The following RASA1 variants were observed in gnomAD, a reference collection of about 807,000 sequenced individuals.
The protein encoded by RASA1 is ras GTPase-activating protein 1.
Under a neutral mutation model 132.2 loss-of-function variants are expected in RASA1, and 25 were observed. The observed-to-expected ratio is 0.19, with a 90% confidence interval of 0.14 to 0.26. RASA1 has a LOEUF of 0.26. RASA1 is among the 10% of genes least tolerant of loss of function. The pLI, the probability that RASA1 is intolerant of heterozygous loss-of-function variation, is 1.00. For synonymous variants in RASA1, 477 were observed against 449.9 expected (o/e 1.06, Z -0.76); for missense variants, 964 against 1,299.2 (o/e 0.74, Z 3.97).
intron 12 of RASA1, 30 bp downstream of exon 12, chr5:87,369,930 T>A: frequency 6.6e-7 from 1 of 1,525,122 alleles, no homozygotes; most frequent in Non-Finnish European, 9.1e-7. Context: ...AACTACAGTA[T>A]ACTTTTATGT....
rs186668104 is a variant in RASA1 at position 87,269,145 on chromosome 5, C to T, written c.539+155C>T. 2,433 of 1,613,118 alleles carry T rather than the reference C, an allele frequency of 1.5e-3. 3 individuals are homozygous for T. Among genetic ancestry groups the T allele is most frequent in the Non-Finnish European group, 1.8e-3 (2,138 of 1,179,676 alleles). On this transcript the variant is annotated intron_variant, in intron 1 of 24. Coordinates refer to ENST00000274376, the MANE Select transcript of RASA1 (RefSeq NM_002890.3). ...CTTGGGTAGGAATTTAATCTGATCA[C>T]TTATCTTCCTTACAGGCATACTACC...
At position 87,353,146 on chromosome 5, in the gene RASA1, T is replaced by C. The variant is rs1019435558; in HGVS notation, c.1254-11T>C. ...GAGACAGATTAATACTAGAAATTTTTATTTTAACAGCATTGGGGACATCAT... is the reference window on the plus strand; with the variant it reads ...GAGACAGATTAATACTAGAAATTTTCATTTTAACAGCATTGGGGACATCAT... On this transcript the variant is annotated splice_polypyrimidine_tract_variant and intron_variant, in intron 8 of 24. Transcript: ENST00000274376. The C allele has an allele frequency of 1.9e-6, 3 of 1,598,966 alleles. No homozygotes were observed. The highest frequency in any genetic ancestry group is 2.7e-5 in the African/African-American group (2 of 74,592).
chr5:87,347,177 T>G (rs1415701552), intron 7 of RASA1, among the ~76,000 whole-genome samples: 1 of 152,050 alleles, frequency 6.6e-6, no homozygotes, highest in African/African-American at 2.4e-5. Flanking sequence ...CATAATTAAC[T>G]AGTCTTCAGT....
intron 24 of RASA1, among the ~76,000 whole-genome samples, chr5:87,390,276 T>C (rs536732347): frequency 8.3e-4 from 126 of 152,280 alleles, no homozygotes; most frequent in African/African-American, 3.0e-3. Flanking sequence ...TTGACTAGTT[T>C]CTAATGTAGT....
At chr5:87,334,678 T>C (rs1479376572) in intron 4 of RASA1, among the ~76,000 whole-genome samples, 2 of 152,230 alleles carry the variant, frequency 1.3e-5, no homozygotes, top group Non-Finnish European at 2.9e-5. Context: ...TGTACTGTAT[T>C]CTTCACTGTT....
At chr5:87,358,382 G>T (rs904567788) in intron 9 of RASA1, among the ~76,000 whole-genome samples, 6 of 152,156 alleles carry the variant, frequency 3.9e-5, no homozygotes, top group African/African-American at 9.7e-5. Flanking sequence ...CTACAATGAT[G>T]CCTATTTCAA....
intron 13 of RASA1, among the ~76,000 whole-genome samples, chr5:87,372,559 T>C (rs1554049017): frequency 6.6e-6 from 1 of 152,158 alleles, no homozygotes; most frequent in Non-Finnish European, 1.5e-5. Flanking sequence ...ATAAACTTTT[T>C]TGGGATTTTC....
intron 1 of RASA1, chr5:87,294,234 A>G (rs948582876): frequency 1.3e-5 from 2 of 152,130 alleles, no homozygotes; most frequent in Non-Finnish European, 2.9e-5. Context: ...TGCAGTGGCT[A>G]TTCCCAGGTG....
At chr5:87,362,405 T>C in intron 9 of RASA1, 146 bp from the exon 10 acceptor site, 1 of 765,866 alleles carries the variant, frequency 1.3e-6, no homozygotes, top group South Asian at 2.0e-5. Flanking sequence ...GAGAATTTCT[T>C]TGGAAAGCAA....
intron 17 of RASA1, 85 bp downstream of exon 17, chr5:87,377,125 C>T (rs1761381335): frequency 1.4e-6 from 2 of 1,474,556 alleles, no homozygotes; most frequent in Non-Finnish European, 1.9e-6. Context: ...TCTGAATATA[C>T]TAAATTGTTA....
intron 1 of RASA1, among the ~76,000 whole-genome samples, chr5:87,304,415 G>A (rs1404874564): frequency 6.6e-6 from 1 of 151,330 alleles, no homozygotes; most frequent in Non-Finnish European, 1.5e-5. Context: ...TAGAACATCT[G>A]AACTTCACTT....
At chr5:87,370,621 C>T (rs144452665) in intron 12 of RASA1, among the ~76,000 whole-genome samples, 1 of 152,258 alleles carries the variant, frequency 6.6e-6, no homozygotes, top group Non-Finnish European at 1.5e-5. Flanking sequence ...GATCGAGACA[C>T]TGTAAGCCAG....
intron 1 of RASA1, among the ~76,000 whole-genome samples, chr5:87,327,053 A>G (rs969204796): frequency 6.6e-6 from 1 of 151,768 alleles, no homozygotes; most frequent in Non-Finnish European, 1.5e-5. Flanking sequence ...AGTATCCTCT[A>G]CTCCCCTGTG....
intron 1 of RASA1, among the ~76,000 whole-genome samples, chr5:87,305,432 A>T (rs762118372): frequency 2.6e-5 from 4 of 152,218 alleles, no homozygotes; most frequent in Non-Finnish European, 5.9e-5. Flanking sequence ...ATAACTGGCT[A>T]GCCATATGCA....
At chr5:87,341,706 A>G (rs1412013135) in intron 6 of RASA1, among the ~76,000 whole-genome samples, 2 of 151,330 alleles carry the variant, frequency 1.3e-5, no homozygotes, top group Non-Finnish European at 3.0e-5. Context: ...CACAATTTTA[A>G]TAAGATTCAG....
At chr5:87,277,683 C>G (rs563519376) in intron 1 of RASA1, among the ~76,000 whole-genome samples, 3 of 152,254 alleles carry the variant, frequency 2.0e-5, no homozygotes, top group South Asian at 4.1e-4. Context: ...ATGGGTAACT[C>G]TACATCTTTA....
chr5:87,302,365 GTTCAAGTC>G (rs1187480107), intron 1 of RASA1, among the ~76,000 whole-genome samples: 1 of 151,812 alleles, frequency 6.6e-6, no homozygotes, highest in Non-Finnish European at 1.5e-5. Context: ...AGAGGTTATA[GTTCAAGTC>G]TTCAAGTCTT....
intron 1 of RASA1, among the ~76,000 whole-genome samples, chr5:87,328,117 T>C (rs1273279462): frequency 6.6e-6 from 1 of 152,236 alleles, no homozygotes; most frequent in Non-Finnish European, 1.5e-5. Flanking sequence ...TCTTCTTTCA[T>C]TGGACAAATA....
intron 14 of RASA1, 144 bp downstream of exon 14, chr5:87,374,464 T>G: frequency 3.2e-6 from 1 of 316,472 alleles, no homozygotes; most frequent in Non-Finnish European, 5.1e-6. Context: ...TATATATTTT[T>G]TTTTTTTTTT....
Sources: gnomAD v4.1 joint callset for allele counts (sites outside exome capture counted in the v4.1 genomes callset) on GRCh38, gnomAD v4.1.1 for gene constraint, MANE v1.5 for transcripts, NCBI Gene and HGNC (gene_info 2026-07-23, HGNC 2026-07-21) for gene names.